TKTL1: variants seen among roughly 807,000 people sequenced by gnomAD.
The protein encoded by TKTL1 is transketolase-like protein 1.
A neutral mutation model predicts 39.3 loss-of-function variants in TKTL1; 1 was observed. The ratio of observed to expected loss-of-function variants is 0.03; its 90% CI spans 0.01 to 0.12. The LOEUF (loss-of-function observed/expected upper bound fraction) is 0.12, where lower values mean the gene tolerates loss of function less well. TKTL1 is among the 10% of genes least tolerant of loss of function. The pLI is 1.00. For synonymous variants in TKTL1, 262 were observed against 193.8 expected (o/e 1.35, Z -2.92); for missense variants, 575 against 509.6 (o/e 1.13, Z -1.24).
In TKTL1 at chrX:154,305,425, T is replaced by C. The variant is rs782713869; in HGVS notation, c.252+4T>C. On this transcript the variant is annotated splice_donor_region_variant and intron_variant, in intron 2 of 12. Transcript: ENST00000369915. ...CGACCGATTTGTCCTCGCAAAGGTA[T>C]GCCGGTGGGGAGCCCAGGGCTGCTG... 2.5e-6 allele frequency: 3 copies of C among 1,206,500 alleles called. No homozygotes were observed. In the East Asian group the frequency reaches 8.9e-5, roughly 36 times the overall value.
rs782310359 is a variant in TKTL1 at position 154,313,032 on chromosome X, C to T, written c.864+259C>T. 3.6e-5 allele frequency among the ~76,000 whole-genome samples: 4 copies of T among 111,865 alleles called. No homozygotes were observed. In the Middle Eastern group the frequency reaches 0.018, roughly 516 times the overall value. ...GGTGAGGTCTGGGCTTTCAGTGCAC[C>T]CAGCATCGGAGTAGTGGACATTGCA... On this transcript the variant is annotated intron_variant, in intron 6 of 12. Coordinates refer to ENST00000369915, the MANE Select transcript of TKTL1 (RefSeq NM_012253.4).
intron 2 of TKTL1, among the ~76,000 whole-genome samples, chrX:154,307,517 GAA>G (rs2148803742): frequency 8.9e-6 from 1 of 112,949 alleles, no homozygotes; most frequent in African/African-American, 3.2e-5. Flanking sequence ...GGGTTCTTGA[GAA>G]AGACAGCACC....
intron 12 of TKTL1, among the ~76,000 whole-genome samples, chrX:154,328,221 C>T (rs189978713): frequency 4.1e-4 from 45 of 110,736 alleles, no homozygotes; most frequent in Non-Finnish European, 5.9e-4. Flanking sequence ...TGAAAAGCAT[C>T]GCAGTTTCTT....
At position 154,295,944 on chromosome X, in the gene TKTL1, A is replaced by T; in HGVS notation, c.85A>T (p.Ser29Cys). ...CTTGCAGGTGTTGCAAGATATGGCCAGCCGCTTGCGAATCCATTCCATCAG... is the reference window on the plus strand; with the variant it reads ...CTTGCAGGTGTTGCAAGATATGGCCTGCCGCTTGCGAATCCATTCCATCAG... ...GTLQVLQDMA[S>C]RLRIHSIRAT... The change falls in exon 1 of 13, where the codon AGC (serine) becomes TGC (cysteine). Residue 29 changes from serine (S) to cysteine (C), a missense_variant. Coordinates refer to ENST00000369915, the MANE Select transcript of TKTL1 (RefSeq NM_012253.4). 8.3e-7 allele frequency: 1 copy of T among 1,211,934 alleles called. No individual in the cohort carries two copies. Among genetic ancestry groups the T allele is most frequent in the African/African-American group, 1.7e-5 (1 of 57,853 alleles).
chrX:154,305,806 CCT>C (rs782336309), intron 2 of TKTL1, among the ~76,000 whole-genome samples: 2 of 111,105 alleles, frequency 1.8e-5, no homozygotes, highest in Admixed American at 9.5e-5. Context: ...ACATCCCACC[CCT>C]GTCAGTTAGC....
Position 154,323,069 on chromosome X carries a change from AC to A in TKTL1, c.1187-136del, listed in dbSNP as rs1437594303. On this transcript the variant is annotated intron_variant, in intron 8 of 12. Coordinates refer to ENST00000369915, the MANE Select transcript of TKTL1 (RefSeq NM_012253.4). ...AAATGAGTTGTGAGGATGCAGCGGG[AC>A]CATTTATGGGGCTCTGCTACAGCTC... 5 of 745,097 alleles carry A rather than the reference AC, an allele frequency of 6.7e-6. No homozygotes were observed. The Admixed American group carries it at 1.6e-4, about 24-fold the overall frequency. The allele number at this position is 745,097 out of a possible 1,213,427, so 61.4% of individuals were successfully genotyped here. A position where few individuals can be genotyped will look rare whatever the true frequency, so the allele number is the denominator to read the frequency against.
intron 2 of TKTL1, among the ~76,000 whole-genome samples, chrX:154,308,362 G>A (rs1409277202): frequency 2.7e-5 from 3 of 112,132 alleles, no homozygotes; most frequent in African/African-American, 9.7e-5. Flanking sequence ...CAGCAAGGAG[G>A]CCAGGGTGCC....
intron 6 of TKTL1, among the ~76,000 whole-genome samples, chrX:154,314,464 G>T (rs1290734768): frequency 9.0e-6 from 1 of 111,511 alleles, no homozygotes; most frequent in Non-Finnish European, 1.9e-5. Context: ...TCTAGTGTTA[G>T]GTTAAAGGAA....
In TKTL1 at chrX:154,315,139, G is replaced by C. The variant is rs782023786; in HGVS notation, c.865-34G>C. The C allele has an allele frequency of 1.1e-5, 13 of 1,184,650 alleles. No individual in the cohort carries two copies. The Admixed American group carries it at 1.6e-4, about 15-fold the overall frequency. ...GTCGTTCCTTCTAAATGCATTTGAA[G>C]AAACTCTACCACCTGATTGTCTCTG... is the stretch of plus-strand genomic sequence containing the variant. On this transcript the variant is annotated intron_variant, in intron 6 of 12. Transcript: ENST00000369915.
At chrX:154,316,268 C>G (rs2067399247) in intron 7 of TKTL1, among the ~76,000 whole-genome samples, 1 of 110,873 alleles carries the variant, frequency 9.0e-6, no homozygotes, top group African/African-American at 3.3e-5. Flanking sequence ...GACGGGGTTT[C>G]ACTGTGTTAG....
chrX:154,318,413 G>C (rs2067419691), intron 7 of TKTL1, among the ~76,000 whole-genome samples: 1 of 109,323 alleles, frequency 9.1e-6, no homozygotes. Context: ...AAGAGTTCGA[G>C]ACCAGGCCGG....
At chrX:154,311,884 TC>T (rs1421264130) in intron 5 of TKTL1, among the ~76,000 whole-genome samples, 22 of 110,728 alleles carry the variant, frequency 2.0e-4, no homozygotes, top group African/African-American at 7.2e-4. Flanking sequence ...TGCCTCTGCC[TC>T]CCCCTCATAT....
rs1557170520 is a variant in TKTL1, at chrX:154,320,841, G to A, written c.1114G>A (p.Asp372Asn). Reference protein sequence around the residue: ...TFAAFLTRAFDHIRIGGLAES... With the variant: ...TFAAFLTRAFNHIRIGGLAES... Reference sequence around the variant, plus strand: ...TGCTGCCTTTCTGACTCGAGCATTTGATCACATCCGGATAGGAGGCCTCGC... The same window carrying A: ...TGCTGCCTTTCTGACTCGAGCATTTAATCACATCCGGATAGGAGGCCTCGC... The change falls in exon 8 of 13, where the codon GAT becomes AAT. Residue 372 changes from aspartate to asparagine, a missense_variant. Asp to Asn is a conservative substitution (Grantham distance 23, BLOSUM62 1). Transcript: ENST00000369915. 3 of 1,211,314 alleles carry A rather than the reference G, an allele frequency of 2.5e-6. No individual in the cohort carries two copies. The highest frequency in any genetic ancestry group is 3.4e-6 in the Non-Finnish European group (3 of 895,083).
At chrX:154,326,310 C>T (rs2067493237) in intron 10 of TKTL1, among the ~76,000 whole-genome samples, 1 of 112,025 alleles carries the variant, frequency 8.9e-6, no homozygotes, top group African/African-American at 3.2e-5. Context: ...AAAGCAGAAA[C>T]GTCTATGGAG....
At chrX:154,299,090 G>A (rs916095371) in intron 1 of TKTL1, among the ~76,000 whole-genome samples, 10 of 106,932 alleles carry the variant, frequency 9.4e-5, no homozygotes, top group Admixed American at 6.0e-4. Flanking sequence ...CATAGGTTTT[G>A]GTATTTTGTA....
chrX:154,314,787 A>G (rs1255705448), intron 6 of TKTL1, among the ~76,000 whole-genome samples: 1 of 111,195 alleles, frequency 9.0e-6, no homozygotes, highest in African/African-American at 3.3e-5. Flanking sequence ...AGCCTCCCAA[A>G]ATGCTGGGAT....
intron 1 of TKTL1, among the ~76,000 whole-genome samples, chrX:154,298,372 A>G (rs1397436002): frequency 1.8e-5 from 2 of 111,621 alleles, no homozygotes; most frequent in African/African-American, 3.3e-5. Flanking sequence ...GCACACCACC[A>G]TGCCCTGCCC....
At position 154,303,964 on chromosome X, in the gene TKTL1, A is replaced by G. The variant is rs146340415; in HGVS notation, c.135-1340A>G. ...TGATTTTCCAAAGTAGAAAGGGCACATCGTCTTTTTGGAGCCTCAAAGGTG... is the reference window on the plus strand; with the variant it reads ...TGATTTTCCAAAGTAGAAAGGGCACGTCGTCTTTTTGGAGCCTCAAAGGTG... On this transcript the variant is annotated intron_variant, in intron 1 of 12. Coordinates refer to ENST00000369915, the MANE Select transcript of TKTL1 (RefSeq NM_012253.4). Among the ~76,000 whole-genome samples the G allele has an allele frequency of 9.1e-3, 1,001 of 109,857 alleles. 6 individuals carry two copies. The highest frequency in any genetic ancestry group is 0.031 in the African/African-American group (942 of 30,112).
Position 154,311,258 on chromosome X carries a change from C to T in TKTL1, c.670+20C>T. 3 of 1,210,454 alleles carry T rather than the reference C, an allele frequency of 2.5e-6. No homozygotes were observed. The highest frequency in any genetic ancestry group is 4.3e-5 in the Admixed American group (2 of 46,008). ...CCCCAAGTAAGCAAGCACTTTCCTCCTGCTCCTGGTTGTTAAAAGCATCTG... is the reference window on the plus strand; with the variant it reads ...CCCCAAGTAAGCAAGCACTTTCCTCTTGCTCCTGGTTGTTAAAAGCATCTG... On this transcript the variant is annotated intron_variant, in intron 5 of 12. Coordinates refer to ENST00000369915, the MANE Select transcript of TKTL1 (RefSeq NM_012253.4).
Sources: allele counts gnomAD v4.1 joint callset (sites outside exome capture counted in the v4.1 genomes callset), GRCh38; gene constraint gnomAD v4.1.1; transcripts MANE v1.5; gene names NCBI Gene and HGNC (gene_info 2026-07-23, HGNC 2026-07-21).